Variants in GOLPH3 observed in about 807,000 individuals in gnomAD.
The protein encoded by GOLPH3 is golgi phosphoprotein 3.
In GOLPH3, 14 loss-of-function variants were observed where a neutral mutation model predicts 28.5. The observed-to-expected ratio is 0.49, with a 90% CI of 0.32 to 0.77. GOLPH3 has a LOEUF of 0.77. Among genes scored for constraint, GOLPH3 ranks in the 30% least tolerant of loss-of-function variants. The pLI is 0.03. For synonymous variants in GOLPH3, 158 were observed against 159.2 expected, an observed-to-expected ratio of 0.99 and a Z score of 0.06; for missense variants, 350 against 393.7, an observed-to-expected ratio of 0.89 and a Z score of 0.94.
intron 1 of GOLPH3, among the ~76,000 whole-genome samples, chr5:32,172,571 T>C (rs1193154717): frequency 6.6e-6 from 1 of 152,170 alleles, no homozygotes; most frequent in East Asian, 1.9e-4. Flanking sequence ...GGCGCACGTC[T>C]GTAGTCCCGG....
At chr5:32,140,297 C>A (rs1746028113) in intron 2 of GOLPH3, among the ~76,000 whole-genome samples, 1 of 151,788 alleles carries the variant, frequency 6.6e-6, no homozygotes, top group Non-Finnish European at 1.5e-5. Flanking sequence ...TGAACCCAAG[C>A]GTTCAAGACC....
chr5:32,151,995 G>A (rs1019955734), intron 1 of GOLPH3, among the ~76,000 whole-genome samples: 1 of 152,148 alleles, frequency 6.6e-6, no homozygotes, highest in African/African-American at 2.4e-5. Context: ...ATAGAGTTTC[G>A]GTATGAAATG....
chr5:32,128,860 G>C (rs1368886627), intron 3 of GOLPH3, among the ~76,000 whole-genome samples: 1 of 150,742 alleles, frequency 6.6e-6, no homozygotes, highest in African/African-American at 2.4e-5. Flanking sequence ...CCTAAAACTA[G>C]GGGTAAGGGG....
intron 1 of GOLPH3, among the ~76,000 whole-genome samples, chr5:32,155,098 C>A (rs866291423): frequency 5.8e-3 from 652 of 112,794 alleles, no homozygotes; most frequent in African/African-American, 6.6e-3. Context: ...GACTCTGTCT[C>A]AAAAAAAAAA....
intron 1 of GOLPH3, among the ~76,000 whole-genome samples, chr5:32,152,522 C>G (rs542911956): frequency 2.0e-5 from 3 of 149,096 alleles, no homozygotes; most frequent in African/African-American, 7.4e-5. Flanking sequence ...GTGGCTCACA[C>G]CTGTAATCCC....
chr5:32,171,634 T>C, intron 1 of GOLPH3, among the ~76,000 whole-genome samples: 1 of 152,106 alleles, frequency 6.6e-6, no homozygotes, highest in Admixed American at 6.6e-5. Context: ...TCTATAATAA[T>C]GTTATTTTTG....
At chr5:32,141,408 T>G (rs1746056377) in intron 2 of GOLPH3, among the ~76,000 whole-genome samples, 1 of 152,168 alleles carries the variant, frequency 6.6e-6, no homozygotes. Flanking sequence ...CTAGCCAATA[T>G]TACCTCTATT....
At chr5:32,152,426 C>G (rs1287434201) in intron 1 of GOLPH3, among the ~76,000 whole-genome samples, 1 of 126,536 alleles carries the variant, frequency 7.9e-6, no homozygotes, top group Non-Finnish European at 1.8e-5. Context: ...CGCCTGCCCC[C>G]CCCAGCCTTT....
chr5:32,150,290 G>C (rs921108367), intron 1 of GOLPH3, among the ~76,000 whole-genome samples: 1 of 151,710 alleles, frequency 6.6e-6, no homozygotes, highest in African/African-American at 2.4e-5. Context: ...ATAATAGAAA[G>C]ATATTTCATT....
intron 1 of GOLPH3, among the ~76,000 whole-genome samples, chr5:32,160,053 G>A (rs779850126): frequency 6.6e-5 from 10 of 152,294 alleles, no homozygotes; most frequent in Middle Eastern, 6.8e-3. Context: ...GAGGCATAAT[G>A]CTGCATAAAG....
intron 1 of GOLPH3, among the ~76,000 whole-genome samples, chr5:32,165,578 G>A (rs1746693253): frequency 6.6e-6 from 1 of 151,734 alleles, no homozygotes; most frequent in South Asian, 2.1e-4. Flanking sequence ...GCAAGACTCT[G>A]TCTCAGAAGA....
chr5:32,149,509 T>A (rs760471701), intron 1 of GOLPH3, among the ~76,000 whole-genome samples: 1 of 152,160 alleles, frequency 6.6e-6, no homozygotes. Context: ...ATGAATCATA[T>A]CTCAGAGCTG....
intron 1 of GOLPH3, among the ~76,000 whole-genome samples, chr5:32,173,067 T>C (rs891883379): frequency 3.3e-5 from 5 of 152,146 alleles, no homozygotes; most frequent in Non-Finnish European, 7.3e-5. Context: ...ACCTGAAGCT[T>C]TGAGGCCTCT....
chr5:32,172,239 A>G (rs1033975346), intron 1 of GOLPH3, among the ~76,000 whole-genome samples: 19 of 152,182 alleles, frequency 1.2e-4, no homozygotes, highest in Admixed American at 1.3e-4. Flanking sequence ...AGACGTATCT[A>G]TCAAGCTAAC....
chr5:32,144,172 G>A (rs1027850581), intron 1 of GOLPH3, among the ~76,000 whole-genome samples: 1 of 152,148 alleles, frequency 6.6e-6, no homozygotes, highest in Non-Finnish European at 1.5e-5. Flanking sequence ...GGTTCTTTCA[G>A]AACCCTGCAA....
intron 1 of GOLPH3, among the ~76,000 whole-genome samples, chr5:32,147,721 T>C (rs1746209699): frequency 6.6e-6 from 1 of 152,170 alleles, no homozygotes; most frequent in African/African-American, 2.4e-5. Context: ...GCAATAGTTA[T>C]GATAGTGGCA....
At chr5:32,153,830 G>A (rs1395343919) in intron 1 of GOLPH3, among the ~76,000 whole-genome samples, 1 of 152,142 alleles carries the variant, frequency 6.6e-6, no homozygotes, top group Non-Finnish European at 1.5e-5. Context: ...CCTACAAGCA[G>A]TAACAACTCA....
chr5:32,159,206 G>A (rs1196439990), intron 1 of GOLPH3, among the ~76,000 whole-genome samples: 3 of 152,194 alleles, frequency 2.0e-5, no homozygotes, highest in South Asian at 4.1e-4. Flanking sequence ...CTTGGGACCC[G>A]AAGTGTTTCA....
At chr5:32,152,792 C>A (rs1477673271) in intron 1 of GOLPH3, among the ~76,000 whole-genome samples, 16 of 148,386 alleles carry the variant, frequency 1.1e-4, no homozygotes, top group Non-Finnish European at 1.6e-4. Flanking sequence ...AAAAAAAAAA[C>A]AAAAACAAAA....
Sources: allele counts gnomAD v4.1 joint callset (sites outside exome capture counted in the v4.1 genomes callset), GRCh38; gene constraint gnomAD v4.1.1; transcripts MANE v1.5; gene names NCBI Gene and HGNC (gene_info 2026-07-23, HGNC 2026-07-21).